Variants in KIAA0753 observed in about 807,000 individuals in gnomAD.
The protein encoded by KIAA0753 is protein moonraker.
KIAA0753 carries 114 observed loss-of-function variants against 116.9 expected under a neutral mutation model. The ratio of observed to expected loss-of-function variants is 0.98; its 90% CI spans 0.84 to 1.14. The LOEUF (loss-of-function observed/expected upper bound fraction) is 1.14. Among genes scored for constraint, KIAA0753 ranks in the 50% most tolerant of loss-of-function variants. The pLI is 0.00. For missense variants in KIAA0753, 1,156 were observed against 1,172.4 expected (o/e 0.99, Z 0.20); for synonymous variants, 405 against 413.1 (o/e 0.98, Z 0.24).
rs771546885 is a variant in KIAA0753 at position 6,599,258 on chromosome 17, C to T, written c.2151G>A (p.Ala717=). Residue 717 remains alanine, a synonymous_variant, in exon 14 of 19, where the codon GCG becomes GCA. Transcript: ENST00000361413. ...ATACCTCCTGTGCAGGCTGGGCTTT[C>T]GCTGTGTTTACTGACGAGCCATCTT... is the stretch of plus-strand genomic sequence containing the variant. ...HLKDGSSVNT[A]KAQPAQEVAA... is the part of the protein sequence containing the mutation. 5.6e-6 allele frequency: 9 copies of T among 1,613,626 alleles called. No homozygotes were observed. The highest frequency in any genetic ancestry group is 4.0e-5 in the African/African-American group (3 of 74,908).
chr17:6,603,998 A>C (rs536595865), intron 12 of KIAA0753, among the ~76,000 whole-genome samples: 1 of 152,344 alleles, frequency 6.6e-6, no homozygotes, highest in South Asian at 2.1e-4. Flanking sequence ...CCAAGTGCTG[A>C]CAAAGATGCA....
rs566135307 is a variant in KIAA0753, at chr17:6,581,679, G to A, written c.2787-1815C>T. 1.1e-4 allele frequency among the ~76,000 whole-genome samples: 16 copies of A among 152,230 alleles called. No individual in the cohort carries two copies. In the South Asian group the frequency reaches 3.1e-3, roughly 30 times the overall value. On this transcript the variant is annotated intron_variant, in intron 18 of 18. Coordinates refer to ENST00000361413, the MANE Select transcript of KIAA0753 (RefSeq NM_014804.3). Reference sequence around the variant, plus strand: ...AAGCTTTCCCTTGTCTTTTACTTATGTATTCATTCCTATCAGTTTGGCCTT... The same window carrying A: ...AAGCTTTCCCTTGTCTTTTACTTATATATTCATTCCTATCAGTTTGGCCTT...
chr17:6,623,696 ATG>A, intron 4 of KIAA0753, 125 bp from the exon 5 acceptor site: 2 of 1,358,878 alleles, frequency 1.5e-6, no homozygotes, highest in African/African-American at 1.5e-5. Flanking sequence ...TCACTTGAAA[ATG>A]AAAAAAAGGC....
intron 2 of KIAA0753, among the ~76,000 whole-genome samples, chr17:6,630,228 G>A (rs1405956833): frequency 2.0e-5 from 3 of 151,958 alleles, no homozygotes; most frequent in African/African-American, 7.2e-5. Flanking sequence ...AGGTCCTTAA[G>A]TACATAAAAA....
chr17:6,611,949 C>T lies in KIAA0753; in HGVS notation c.1515G>A (p.Lys505=), dbSNP rs1321692518. 7 of 1,614,054 alleles carry T rather than the reference C, an allele frequency of 4.3e-6. No individual in the cohort carries two copies. In the South Asian group the frequency reaches 6.6e-5, roughly 15 times the overall value. Residue 505 remains lysine (K), a synonymous_variant, in exon 8 of 19, where the codon AAG becomes AAA. Coordinates refer to ENST00000361413, the MANE Select transcript of KIAA0753 (RefSeq NM_014804.3). The part of the protein sequence containing the change: ...KPVTENVPFR[K]KDTLAPARQQ... ...GTCTTGCTGGCGCCAGAGTATCTTTCTTCCTAAACGGCACATTCTCAGTCA... is the reference window on the plus strand; with the variant it reads ...GTCTTGCTGGCGCCAGAGTATCTTTTTTCCTAAACGGCACATTCTCAGTCA...
At chr17:6,626,087 T>C (rs191728537) in intron 3 of KIAA0753, among the ~76,000 whole-genome samples, 1 of 152,384 alleles carries the variant, frequency 6.6e-6, no homozygotes, top group South Asian at 2.1e-4. Context: ...AGAGTCTTCA[T>C]GTATTTCTCA....
chr17:6,622,473 C>G (rs1389322247), intron 6 of KIAA0753, among the ~76,000 whole-genome samples: 2 of 152,228 alleles, frequency 1.3e-5, no homozygotes, highest in Non-Finnish European at 2.9e-5. Context: ...GGCTCTGATT[C>G]CATATACTGT....
intron 14 of KIAA0753, 119 bp from the exon 15 acceptor site, chr17:6,596,462 C>A: frequency 1.3e-6 from 1 of 769,140 alleles, no homozygotes; most frequent in Non-Finnish European, 2.1e-6. Context: ...CAACAGCATA[C>A]AGATCCAAAT....
chr17:6,615,508 G>A (rs896343232), intron 7 of KIAA0753, among the ~76,000 whole-genome samples: 92 of 151,294 alleles, frequency 6.1e-4, no homozygotes, highest in African/African-American at 2.0e-3. Flanking sequence ...CCAGCTACTC[G>A]GGAGGCTGAG....
intron 2 of KIAA0753, among the ~76,000 whole-genome samples, chr17:6,629,539 A>T (rs984927000): frequency 2.0e-5 from 3 of 152,288 alleles, no homozygotes; most frequent in African/African-American, 7.2e-5. Flanking sequence ...AGGATAAATG[A>T]TCTGTTCTGG....
chr17:6,625,240 A>G (rs1341395526), intron 3 of KIAA0753, among the ~76,000 whole-genome samples: 1 of 152,228 alleles, frequency 6.6e-6, no homozygotes, highest in Non-Finnish European at 1.5e-5. Flanking sequence ...TATGTTTAGC[A>G]AGATTAGTTT....
chr17:6,618,096 CG>C (rs901056830), intron 7 of KIAA0753, among the ~76,000 whole-genome samples: 1 of 151,452 alleles, frequency 6.6e-6, no homozygotes, highest in Non-Finnish European at 1.5e-5. Context: ...GAGCGAGACT[CG>C]GTCTCAAAAA....
intron 2 of KIAA0753, among the ~76,000 whole-genome samples, chr17:6,632,394 G>C (rs1451954850): frequency 6.6e-6 from 1 of 152,136 alleles, no homozygotes; most frequent in Admixed American, 6.5e-5. Flanking sequence ...AAATAAGTAA[G>C]TACTAGGAAA....
intron 2 of KIAA0753, among the ~76,000 whole-genome samples, chr17:6,632,681 C>T (rs761703318): frequency 2.0e-5 from 3 of 152,182 alleles, no homozygotes; most frequent in Non-Finnish European, 4.4e-5. Flanking sequence ...TGAAAGTCAA[C>T]ACTGCTAGTG....
At chr17:6,615,614 CAAAAAAAAAAAAA>C (rs60310389) in intron 7 of KIAA0753, among the ~76,000 whole-genome samples, 2 of 58,752 alleles carry the variant, frequency 3.4e-5, no homozygotes, top group Non-Finnish European at 6.1e-5. Flanking sequence ...GACTCCGTCT[CAAAAAAAAAAAAA>C]AAAAAAAAAA....
intron 12 of KIAA0753, 31 bp downstream of exon 12, chr17:6,606,834 GCAAACATC>G: frequency 1.3e-6 from 2 of 1,543,078 alleles, no homozygotes; most frequent in Non-Finnish European, 1.8e-6. Context: ...ATTAGAACAG[GCAAACATC>G]CACTATTCTT....
At chr17:6,593,441 A>G (rs1018101755) in intron 16 of KIAA0753, among the ~76,000 whole-genome samples, 8 of 148,118 alleles carry the variant, frequency 5.4e-5, no homozygotes, top group Admixed American at 5.4e-4. Flanking sequence ...GCCGGGCGCA[A>G]TGGCTCACAC....
chr17:6,600,561 G>T, intron 12 of KIAA0753, 103 bp from the exon 13 acceptor site: 1 of 827,286 alleles, frequency 1.2e-6, no homozygotes, highest in Non-Finnish European at 1.9e-6. Flanking sequence ...ATGACCACGA[G>T]CTTCTCTAAC....
At chr17:6,590,024 T>C in intron 17 of KIAA0753, 21 bp from the exon 18 acceptor site, 1 of 1,504,026 alleles carries the variant, frequency 6.6e-7, no homozygotes, top group Non-Finnish European at 8.9e-7. Context: ...ATAAAAATGA[T>C]GAAAGCATTC....
Sources: allele counts gnomAD v4.1 joint callset (sites outside exome capture counted in the v4.1 genomes callset), GRCh38; gene constraint gnomAD v4.1.1; transcripts MANE v1.5; gene names NCBI Gene and HGNC (gene_info 2026-07-23, HGNC 2026-07-21).